RPS6KC1: variants seen among roughly 807,000 people sequenced by gnomAD.
The protein encoded by RPS6KC1 is inactive ribosomal protein S6 kinase delta-1.
Under a neutral mutation model 103.8 loss-of-function variants are expected in RPS6KC1, and 54 were observed. The observed-to-expected ratio is 0.52, with a 90% CI of 0.42 to 0.65. The LOEUF (loss-of-function observed/expected upper bound fraction) is 0.65. Ranked by LOEUF, RPS6KC1 falls within the 30% of genes least tolerant of loss-of-function variation. The pLI is 0.00. For synonymous variants in RPS6KC1, 439 were observed against 438.7 expected (o/e 1.00, Z -0.01); for missense variants, 1,151 against 1,253.8 (o/e 0.92, Z 1.24).
chr1:213,530,314 G>A, the RPS6KC1 span, among the ~76,000 whole-genome samples: 3 of 151,938 alleles, frequency 2.0e-5, no homozygotes, highest in South Asian at 2.1e-4. Context: ...CTTCACCTAC[G>A]TCATCCAGTA....
intron 10 of RPS6KC1, among the ~76,000 whole-genome samples, chr1:213,237,941 A>T (rs1190717970): frequency 6.6e-6 from 1 of 152,104 alleles, no homozygotes; most frequent in Non-Finnish European, 1.5e-5. Context: ...AAATGACATT[A>T]TACTTATAGA....
At chr1:213,055,319 A>G (rs2077246686) in intron 1 of RPS6KC1, among the ~76,000 whole-genome samples, 1 of 150,732 alleles carries the variant, frequency 6.6e-6, no homozygotes, top group African/African-American at 2.4e-5. Context: ...ATCATATAGT[A>G]TGCACTTTTT....
At chr1:213,447,492 T>C in the RPS6KC1 span, among the ~76,000 whole-genome samples, 1 of 152,226 alleles carries the variant, frequency 6.6e-6, no homozygotes, top group African/African-American at 2.4e-5. Context: ...ATATAAATAT[T>C]TTTAAGCGGA....
the RPS6KC1 span, among the ~76,000 whole-genome samples, chr1:213,363,541 A>G: frequency 6.6e-6 from 1 of 152,214 alleles, no homozygotes; most frequent in Non-Finnish European, 1.5e-5. Flanking sequence ...GGGGCCTGGC[A>G]GAGAAGGGAG....
chr1:213,443,162 A>G, the RPS6KC1 span, among the ~76,000 whole-genome samples: 1 of 152,188 alleles, frequency 6.6e-6, no homozygotes, highest in Non-Finnish European at 1.5e-5. Flanking sequence ...GGCTTACCTG[A>G]GATCCAGCTA....
the RPS6KC1 span, among the ~76,000 whole-genome samples, chr1:213,716,586 A>G: frequency 2.6e-5 from 4 of 152,218 alleles, no homozygotes; most frequent in African/African-American, 7.2e-5. Flanking sequence ...CTAAAATATA[A>G]CAAAAGATGT....
chr1:213,473,483 G>A, the RPS6KC1 span, among the ~76,000 whole-genome samples: 1 of 152,194 alleles, frequency 6.6e-6, no homozygotes, highest in East Asian at 1.9e-4. Context: ...ATGTACCCCA[G>A]GACATCAACT....
At chr1:213,317,071 C>T in the RPS6KC1 span, among the ~76,000 whole-genome samples, 1,935 of 152,050 alleles carry the variant, frequency 0.013, 74 homozygotes, top group East Asian at 0.1. Context: ...AGCAAAGGAG[C>T]GATAAAATCG....
chr1:213,759,393 C>A, the RPS6KC1 span, among the ~76,000 whole-genome samples: 1 of 152,308 alleles, frequency 6.6e-6, no homozygotes, highest in East Asian at 1.9e-4. Flanking sequence ...TGCTTCATTG[C>A]AATGGTCTGG....
Position 213,241,259 on chromosome 1 carries a change from A to T in RPS6KC1, c.1783A>T (p.Asn595Tyr). ...RTSDSLSRSK[N>Y]SPMEFFRIDS... Reference sequence around the variant, plus strand: ...ATCAGATTCCCTCAGTAGATCAAAAAATAGCCCCATGGAATTCTTTAGGAT... The same window carrying T: ...ATCAGATTCCCTCAGTAGATCAAAATATAGCCCCATGGAATTCTTTAGGAT... Residue 595 changes from asparagine to tyrosine, a missense_variant, in exon 11 of 15, where the codon AAT (asparagine) becomes TAT (tyrosine). This residue lies in a region of RPS6KC1 where 959 missense variants were observed against 1,006.3 expected (regional missense o/e 0.95). Transcript: ENST00000366960. 1 of 1,613,946 alleles carries T rather than the reference A, an allele frequency of 6.2e-7. No homozygotes were observed. Among genetic ancestry groups the T allele is most frequent in the Non-Finnish European group, 8.5e-7 (1 of 1,179,922 alleles).
chr1:213,129,535 A>T lies in RPS6KC1; in HGVS notation c.481A>T (p.Ser161Cys), dbSNP rs753879162. The T allele has an allele frequency of 1.2e-6, 2 of 1,604,450 alleles. No homozygotes were observed. Among genetic ancestry groups the T allele is most frequent in the Non-Finnish European group, 8.5e-7 (1 of 1,176,038 alleles). The part of the protein sequence containing the change: ...FPECSTEGFS[S>C]DSDLVSLTVD... ...TGTGATCATATTTCTAGGCTTCTCC[A>T]GTGACAGTGATCTGGTATCTCTTAC... is the stretch of plus-strand genomic sequence containing the variant. Residue 161 changes from serine (S) to cysteine (C), a missense_variant, in exon 6 of 15, where the codon AGT (serine) becomes TGT (cysteine). Physicochemically the swap from Ser to Cys is moderately radical, Grantham distance 112 (BLOSUM62 -1). This residue lies in a region of RPS6KC1 where 959 missense variants were observed against 1,006.3 expected (regional missense o/e 0.95). Transcript: ENST00000366960.
the RPS6KC1 span, among the ~76,000 whole-genome samples, chr1:213,522,835 C>T: frequency 6.6e-5 from 10 of 152,184 alleles, no homozygotes; most frequent in Admixed American, 3.3e-4. Flanking sequence ...TTGCTCTATC[C>T]GGACCATTAA....
At chr1:213,623,717 A>G in the RPS6KC1 span, among the ~76,000 whole-genome samples, 2 of 152,228 alleles carry the variant, frequency 1.3e-5, no homozygotes, top group Non-Finnish European at 2.9e-5. Context: ...AAATTGTCAT[A>G]TAAAATAGGC....
Position 213,180,305 on chromosome 1 carries a change from C to G in RPS6KC1, c.1044+3813C>G, listed in dbSNP as rs550969273. Among the ~76,000 whole-genome samples the G allele has an allele frequency of 7.2e-5, 11 of 152,180 alleles. No individual in the cohort carries two copies. The South Asian group carries it at 2.3e-3, about 32-fold the overall frequency. Reference sequence around the variant, plus strand: ...CAAACTAAAATCATCTCAGTTAAACCAGGAAGTCTGGTTTCTCTGTGAAAA... The same window carrying G: ...CAAACTAAAATCATCTCAGTTAAACGAGGAAGTCTGGTTTCTCTGTGAAAA... On this transcript the variant is annotated intron_variant, in intron 8 of 14. Coordinates refer to ENST00000366960, the MANE Select transcript of RPS6KC1 (RefSeq NM_012424.6).
chr1:213,110,482 C>T (rs1000633305), intron 4 of RPS6KC1, among the ~76,000 whole-genome samples: 2 of 152,096 alleles, frequency 1.3e-5, no homozygotes, highest in African/African-American at 4.8e-5. Context: ...TATCTCTGCC[C>T]AATATTTAAT....
the RPS6KC1 span, among the ~76,000 whole-genome samples, chr1:213,715,114 C>T: frequency 6.6e-6 from 1 of 152,072 alleles, no homozygotes; most frequent in African/African-American, 2.4e-5. Flanking sequence ...GGCAGTAAGG[C>T]AGGACTGAGA....
the RPS6KC1 span, among the ~76,000 whole-genome samples, chr1:213,682,387 G>A: frequency 0.13 from 20,442 of 152,190 alleles, 1,502 homozygotes; most frequent in Non-Finnish European, 0.15. Context: ...GAATGCATAC[G>A]TGTCACGTCT....
the RPS6KC1 span, among the ~76,000 whole-genome samples, chr1:213,508,436 C>T: frequency 6.6e-6 from 1 of 152,036 alleles, no homozygotes; most frequent in Non-Finnish European, 1.5e-5. Context: ...ATTACCAATT[C>T]AGCACAGAAA....
At chr1:213,230,633 G>A (rs915568888) in intron 9 of RPS6KC1, 89 bp downstream of exon 9, 18 of 873,186 alleles carry the variant, frequency 2.1e-5, no homozygotes, top group African/African-American at 1.0e-4. Flanking sequence ...TCAGGAGTTC[G>A]AGACTATCCT....
Sources: allele counts gnomAD v4.1 joint callset (sites outside exome capture counted in the v4.1 genomes callset), GRCh38; gene constraint gnomAD v4.1.1; regional missense constraint gnomAD v4.1.1; transcripts MANE v1.5; gene names NCBI Gene and HGNC (gene_info 2026-07-23, HGNC 2026-07-21).